The following RMST variants were observed in gnomAD, a reference collection of about 807,000 sequenced individuals.
The protein encoded by RMST is long intergenic non-protein coding RNA 54.
intron 11 of RMST, among the ~76,000 whole-genome samples, chr12:97,531,992 T>G (rs1052663199): frequency 1.3e-5 from 2 of 151,990 alleles, no homozygotes; most frequent in African/African-American, 4.8e-5. Context: ...TTTTATATTC[T>G]CAAATAAAAA....
At chr12:97,488,178 G>A (rs571497451) in intron 5 of RMST, among the ~76,000 whole-genome samples, 1 of 152,290 alleles carries the variant, frequency 6.6e-6, no homozygotes, top group South Asian at 2.1e-4. Context: ...GAGGTCAGGA[G>A]TTCGAGATCA....
At chr12:97,519,719 A>G (rs1708550737) in intron 10 of RMST, among the ~76,000 whole-genome samples, 1 of 152,226 alleles carries the variant, frequency 6.6e-6, no homozygotes, top group Non-Finnish European at 1.5e-5. Flanking sequence ...ATTAGAATAA[A>G]TACAACATTT....
chr12:97,545,178 G>T (rs2031333362), intron 11 of RMST, among the ~76,000 whole-genome samples: 1 of 151,962 alleles, frequency 6.6e-6, no homozygotes, highest in Admixed American at 6.6e-5. Flanking sequence ...ACTGCATTAT[G>T]AAGGCAACTG....
intron 11 of RMST, among the ~76,000 whole-genome samples, chr12:97,537,888 G>C (rs1882190817): frequency 6.6e-6 from 1 of 151,374 alleles, no homozygotes; most frequent in Non-Finnish European, 1.5e-5. Flanking sequence ...CTCAACTGGA[G>C]ATATATTCAT....
chr12:97,551,080 T>C (rs1883273410), intron 11 of RMST, among the ~76,000 whole-genome samples: 1 of 151,654 alleles, frequency 6.6e-6, no homozygotes, highest in Non-Finnish European at 1.5e-5. Context: ...ATATTCTTTC[T>C]ACAACACCAC....
chr12:97,539,216 A>G (rs540385541), intron 11 of RMST, among the ~76,000 whole-genome samples: 1 of 151,722 alleles, frequency 6.6e-6, no homozygotes, highest in East Asian at 1.9e-4. Context: ...ACTTAAAAGC[A>G]TTAGGCCTTT....
At chr12:97,463,482 G>A (rs942093411) in intron 4 of RMST, among the ~76,000 whole-genome samples, 1 of 152,186 alleles carries the variant, frequency 6.6e-6, no homozygotes, top group Non-Finnish European at 1.5e-5. Flanking sequence ...GGAGCTGAGT[G>A]GAAGGGTGAG....
rs1483448536 is a variant in RMST, at chr12:97,553,106, T to A, written n.1546-7431T>A. ...ATTGGTAAAATGTTATTTTACCAGT[T>A]GAAACATGACTGTATTTGGCACATT... On this transcript the variant is annotated intron_variant and non_coding_transcript_variant, in intron 11 of 13. Coordinates refer to ENST00000640149, the Ensembl canonical transcript of RMST. 2.6e-5 allele frequency among the ~76,000 whole-genome samples: 4 copies of A among 152,226 alleles called. 1 individual carries two copies. The highest frequency in any genetic ancestry group is 1.3e-4 in the Admixed American group (2 of 15,280).
intron 11 of RMST, among the ~76,000 whole-genome samples, chr12:97,550,811 G>A (rs188446317): frequency 6.6e-6 from 1 of 152,118 alleles, no homozygotes; most frequent in Non-Finnish European, 1.5e-5. Context: ...CATGCAAAAT[G>A]CAAAAGGGAA....
intron 5 of RMST, among the ~76,000 whole-genome samples, chr12:97,487,627 C>T (rs879417100): frequency 5.9e-5 from 9 of 152,076 alleles, no homozygotes; most frequent in African/African-American, 9.7e-5. Flanking sequence ...CTGGAGATAA[C>T]GCTGTGACTG....
chr12:97,502,912 CT>C (rs1878248755), intron 10 of RMST, among the ~76,000 whole-genome samples: 1 of 152,188 alleles, frequency 6.6e-6, no homozygotes, highest in African/African-American at 2.4e-5. Flanking sequence ...TACAATGTGA[CT>C]TCCTTGGGCT....
At chr12:97,535,883 A>T (rs1262763811) in intron 11 of RMST, among the ~76,000 whole-genome samples, 1 of 151,632 alleles carries the variant, frequency 6.6e-6, no homozygotes, top group South Asian at 2.1e-4. Flanking sequence ...CAGTGGGCTT[A>T]TTTCATAGAC....
chr12:97,501,380 T>C (rs553292646), intron 10 of RMST, among the ~76,000 whole-genome samples: 40 of 152,350 alleles, frequency 2.6e-4, no homozygotes, highest in Admixed American at 5.2e-4. Flanking sequence ...TTTGAAGGCC[T>C]ACTGTCTTGT....
At chr12:97,485,910 T>C (rs1876042943) in intron 5 of RMST, among the ~76,000 whole-genome samples, 1 of 152,234 alleles carries the variant, frequency 6.6e-6, no homozygotes, top group African/African-American at 2.4e-5. Context: ...GCAGGTAATA[T>C]CAGCCAACAA....
chr12:97,510,489 C>G (rs567961465), intron 10 of RMST, among the ~76,000 whole-genome samples: 1 of 152,090 alleles, frequency 6.6e-6, no homozygotes, highest in East Asian at 1.9e-4. Context: ...TTATTTAATA[C>G]GAAAGTAAAT....
intron 11 of RMST, chr12:97,533,431 TC>T (rs1881830591): frequency 6.6e-6 from 1 of 151,882 alleles, no homozygotes; most frequent in Non-Finnish European, 1.5e-5. Flanking sequence ...ATTTCTGATG[TC>T]TGGAATTTCA....
chr12:97,464,804 G>A (rs1356097244), intron 4 of RMST: 4 of 152,094 alleles, frequency 2.6e-5, no homozygotes, highest in Non-Finnish European at 5.9e-5. Context: ...GTCCAAAATC[G>A]TGGCTGAACG....
At chr12:97,513,791 G>A (rs1402729368) in intron 10 of RMST, among the ~76,000 whole-genome samples, 4 of 152,200 alleles carry the variant, frequency 2.6e-5, no homozygotes, top group African/African-American at 9.7e-5. Flanking sequence ...GAATTTTTCT[G>A]AAGACCATGT....
rs183752574 is a variant in RMST at position 97,498,492 on chromosome 12, G to A, written n.1340+2436G>A. Among the ~76,000 whole-genome samples, 10 of 152,266 alleles carry A rather than the reference G, an allele frequency of 6.6e-5. No homozygotes were observed. The East Asian group carries it at 1.4e-3, about 21-fold the overall frequency. ...ATGAGTATAAAGCCTATGGTAAGGG[G>A]TTGACGAGTCTTAGCAATGATCTTT... On this transcript the variant is annotated intron_variant and non_coding_transcript_variant, in intron 10 of 13. Coordinates refer to ENST00000640149, the Ensembl canonical transcript of RMST.
Sources: allele counts gnomAD v4.1 joint callset (sites outside exome capture counted in the v4.1 genomes callset), GRCh38; gene constraint gnomAD v4.1.1; transcripts MANE v1.5; gene names NCBI Gene and HGNC (gene_info 2026-07-23, HGNC 2026-07-21).